Variants in KCNT2 observed in about 807,000 individuals in gnomAD.
KCNT2 encodes the protein potassium channel subfamily T member 2.
In KCNT2, 67 loss-of-function variants were observed where a neutral mutation model predicts 153.8. The ratio of observed to expected loss-of-function variants is 0.44; its 90% CI spans 0.36 to 0.53. KCNT2 has a LOEUF of 0.53. Among genes scored for constraint, KCNT2 ranks in the 20% least tolerant of loss-of-function variants. The pLI is 0.00. For missense variants in KCNT2, 975 were observed against 1,354.8 expected (o/e 0.72, Z 4.40); for synonymous variants, 500 against 458.8 (o/e 1.09, Z -1.15).
chr1:196,479,082 A>G, intron 5 of KCNT2, 97 bp downstream of exon 5: 1 of 775,384 alleles, frequency 1.3e-6, no homozygotes, highest in East Asian at 2.8e-5. Flanking sequence ...AAGAAGAGTC[A>G]GCCTTACCTT....
chr1:196,480,724 C>CG (rs1248128166), intron 4 of KCNT2, among the ~76,000 whole-genome samples: 5 of 151,476 alleles, frequency 3.3e-5, no homozygotes, highest in African/African-American at 1.2e-4. Context: ...GGCGTGGTGG[C>CG]GGGCGCCTGT....
intron 1 of KCNT2, among the ~76,000 whole-genome samples, chr1:196,584,147 G>C (rs1316171215): frequency 3.1e-5 from 1 of 31,998 alleles, no homozygotes; most frequent in Admixed American, 3.9e-4. Context: ...CGAAAACAAT[G>C]ATACTAGCAT....
intron 1 of KCNT2, among the ~76,000 whole-genome samples, chr1:196,514,165 G>T (rs546492695): frequency 1.3e-5 from 2 of 152,124 alleles, no homozygotes; most frequent in African/African-American, 4.8e-5. Flanking sequence ...CATTTTGCTC[G>T]TGTTTTCAGA....
At chr1:196,294,520 C>T (rs1056458965) in intron 22 of KCNT2, among the ~76,000 whole-genome samples, 3 of 152,186 alleles carry the variant, frequency 2.0e-5, no homozygotes, top group South Asian at 2.1e-4. Context: ...ATGATCCACC[C>T]GCCTTGGCCT....
At chr1:196,462,867 T>C (rs1240947330) in intron 8 of KCNT2, among the ~76,000 whole-genome samples, 3 of 151,682 alleles carry the variant, frequency 2.0e-5, no homozygotes, top group Non-Finnish European at 4.4e-5. Flanking sequence ...TTTTGTGTGA[T>C]AGTATGATAT....
chr1:196,536,687 G>C (rs752177977), intron 1 of KCNT2, among the ~76,000 whole-genome samples: 1 of 152,120 alleles, frequency 6.6e-6, no homozygotes, highest in African/African-American at 2.4e-5. Context: ...TCCAGTCTGG[G>C]GGGTTGTTAC....
chr1:196,273,831 TC>T (rs1200637766), intron 25 of KCNT2, among the ~76,000 whole-genome samples: 1 of 151,654 alleles, frequency 6.6e-6, no homozygotes, highest in East Asian at 1.9e-4. Flanking sequence ...GTAGCCATAA[TC>T]CAGGGTAACA....
At chr1:196,456,277 T>A (rs1015317883) in intron 8 of KCNT2, among the ~76,000 whole-genome samples, 1 of 151,960 alleles carries the variant, frequency 6.6e-6, no homozygotes, top group Non-Finnish European at 1.5e-5. Flanking sequence ...CCTTTTTTTT[T>A]AAGTATGTTT....
intron 1 of KCNT2, among the ~76,000 whole-genome samples, chr1:196,554,856 A>G (rs2148906378): frequency 6.6e-6 from 1 of 151,416 alleles, no homozygotes; most frequent in South Asian, 2.1e-4. Context: ...TCAATGCGAT[A>G]CATCATATCA....
At chr1:196,536,425 G>A (rs1039046424) in intron 1 of KCNT2, among the ~76,000 whole-genome samples, 11 of 152,306 alleles carry the variant, frequency 7.2e-5, no homozygotes, top group Middle Eastern at 3.4e-3. Flanking sequence ...TCAGCCCATT[G>A]AGCACACTGT....
Position 196,387,730 on chromosome 1 carries a change from C to A in KCNT2, c.1294+10833G>T, listed in dbSNP as rs138430586. Among the ~76,000 whole-genome samples the A allele has an allele frequency of 3.9e-3, 599 of 151,784 alleles. 3 individuals carry two copies. Among genetic ancestry groups the A allele is most frequent in the Middle Eastern group, 0.014 (4 of 294 alleles). ...TATCCTTGTGTGTGTATAAAATATC[C>A]GTTCGATTCTTCTACCTATTTTTAT... On this transcript the variant is annotated intron_variant, in intron 13 of 27. Coordinates refer to ENST00000294725, the MANE Select transcript of KCNT2 (RefSeq NM_198503.5).
intron 26 of KCNT2, among the ~76,000 whole-genome samples, chr1:196,238,454 C>A (rs766517223): frequency 6.6e-6 from 1 of 151,892 alleles, no homozygotes; most frequent in Non-Finnish European, 1.5e-5. Flanking sequence ...CTTATCAAGA[C>A]GTAGAAAGCA....
intron 1 of KCNT2, among the ~76,000 whole-genome samples, chr1:196,561,918 G>A: frequency 6.6e-6 from 1 of 151,910 alleles, no homozygotes; most frequent in East Asian, 1.9e-4. Flanking sequence ...TTGGCAACTG[G>A]TTGAAAGAGT....
chr1:196,423,261 C>A, intron 11 of KCNT2, 148 bp from the exon 12 acceptor site: 2 of 457,428 alleles, frequency 4.4e-6, no homozygotes, highest in Non-Finnish European at 7.8e-6. Flanking sequence ...AGTTGAATTT[C>A]TAGCAGATCA....
chr1:196,479,313 C>CTAAA lies in KCNT2; in HGVS notation c.325-76_325-75insTTTA, dbSNP rs1295711409. ...TATATATTCTTGGCTATACTACTAA[C>CTAAA]TTTATTTAAATATATGTGCATGTAT... On this transcript the variant is annotated intron_variant, in intron 4 of 27. Transcript: ENST00000294725. 4 of 855,746 alleles carry CTAAA rather than the reference C, an allele frequency of 4.7e-6. No homozygotes were observed. In the East Asian group the frequency reaches 1.1e-4, roughly 23 times the overall value. 53.0% of individuals were successfully genotyped at this position (855,746 alleles called of 1,614,324 possible).
intron 26 of KCNT2, among the ~76,000 whole-genome samples, chr1:196,248,270 ATAG>A (rs1237233070): frequency 2.0e-5 from 3 of 152,072 alleles, no homozygotes; most frequent in Non-Finnish European, 4.4e-5. Context: ...TAAACCAAAA[ATAG>A]TAGAAAAAAA....
chr1:196,500,694 G>A (rs1197303346), intron 1 of KCNT2, among the ~76,000 whole-genome samples: 1 of 152,080 alleles, frequency 6.6e-6, no homozygotes, highest in Non-Finnish European at 1.5e-5. Flanking sequence ...AACACACATA[G>A]ACAAATAGGA....
At chr1:196,371,933 C>T (rs909053103) in intron 14 of KCNT2, among the ~76,000 whole-genome samples, 4 of 152,076 alleles carry the variant, frequency 2.6e-5, no homozygotes, top group African/African-American at 9.6e-5. Flanking sequence ...TGTACGAAGA[C>T]GTTACGGAAA....
chr1:196,574,323 A>G (rs1207587448), intron 1 of KCNT2, among the ~76,000 whole-genome samples: 2 of 151,772 alleles, frequency 1.3e-5, no homozygotes, highest in Non-Finnish European at 2.9e-5. Context: ...AAAGTGTTTT[A>G]CTAATCATTT....
Sources: gnomAD v4.1 joint callset for allele counts (sites outside exome capture counted in the v4.1 genomes callset) on GRCh38, gnomAD v4.1.1 for gene constraint, MANE v1.5 for transcripts, NCBI Gene and HGNC (gene_info 2026-07-23, HGNC 2026-07-21) for gene names.